STAB1: variants seen among roughly 807,000 people sequenced by gnomAD.
STAB1 encodes stabilin-1.
STAB1 carries 250 observed loss-of-function variants against 332.4 expected under a neutral mutation model. The ratio of observed to expected loss-of-function variants is 0.75; its 90% CI spans 0.68 to 0.84. The LOEUF is 0.84. Ranked by LOEUF, STAB1 falls within the 40% of genes least tolerant of loss-of-function variation. STAB1 has a pLI of 0.00. For missense variants in STAB1, 3,249 were observed against 3,489.7 expected (o/e 0.93, Z 1.74); for synonymous variants, 1,475 against 1,390.4 (o/e 1.06, Z -1.35).
Position 52,521,657 on chromosome 3 carries a change from C to G in STAB1, c.6120C>G (p.Phe2040Leu), listed in dbSNP as rs751204842. The G allele has an allele frequency of 1.2e-6, 2 of 1,613,068 alleles. No homozygotes were observed. The highest frequency in any genetic ancestry group is 2.2e-5 in the South Asian group (2 of 91,056). The stretch of plus-strand genomic sequence containing the variant: ...GCCTTGGGGGCTCTGGCTCCTGCTT[C>G]TGTGATGAAGGCTGGACTGGGCCAC... ...DEGLGGSGSC[F>L]CDEGWTGPRC... is the part of the protein sequence containing the mutation. Residue 2040 changes from phenylalanine (F) to leucine (L), a missense_variant, in exon 57 of 69, where the codon TTC becomes TTG. Coordinates refer to ENST00000321725, the MANE Select transcript of STAB1 (RefSeq NM_015136.3).
intron 62 of STAB1, 38 bp from the exon 63 acceptor site, chr3:52,522,987 C>T: frequency 6.3e-7 from 1 of 1,596,956 alleles, no homozygotes; most frequent in Non-Finnish European, 8.6e-7. Flanking sequence ...TGCCCCTTCC[C>T]ACCAATCTGC....
chr3:52,506,689 C>A lies in STAB1; in HGVS notation c.1831-3C>A. On this transcript the variant is annotated splice_polypyrimidine_tract_variant and splice_region_variant and intron_variant, in intron 17 of 68. Coordinates refer to ENST00000321725, the MANE Select transcript of STAB1 (RefSeq NM_015136.3). The stretch of plus-strand genomic sequence containing the variant: ...GGGTTGGCTCAGTGGGTCTCTGCCG[C>A]AGGGGCGCATCCTGCTGGGACCCGA... 6.2e-7 allele frequency: 1 copy of A among 1,607,124 alleles called. No individual in the cohort carries two copies. Among genetic ancestry groups the A allele is most frequent in the Admixed American group, 1.7e-5 (1 of 59,546 alleles).
chr3:52,519,849 TG>T (rs2079014068), intron 50 of STAB1, 94 bp from the exon 51 acceptor site: 1 of 1,422,502 alleles, frequency 7.0e-7, no homozygotes, highest in Non-Finnish European at 9.3e-7. Flanking sequence ...TGGGTGAGTG[TG>T]GAGCCCCTTC....
chr3:52,509,292 CA>C lies in STAB1; in HGVS notation c.2321del (p.Asn774ThrfsTer139). On this transcript the variant is annotated frameshift_variant, in exon 22 of 69. Coordinates refer to ENST00000321725, the MANE Select transcript of STAB1 (RefSeq NM_015136.3). LOFTEE classifies it high-confidence loss of function. ...KGIACHICSN[P>X]NKHGEQCQED... ...ATCGCCTGCCACATCTGCTCGAACC[CA>C]AACAAGCATGGAGAGCAATGCCAGG... 2 of 1,613,608 alleles carry C rather than the reference CA, an allele frequency of 1.2e-6. No homozygotes were observed. Among genetic ancestry groups the C allele is most frequent in the Non-Finnish European group, 8.5e-7 (1 of 1,179,976 alleles).
Position 52,514,713 on chromosome 3 carries a change from C to A in STAB1, c.3691C>A (p.His1231Asn), listed in dbSNP as rs1272470965. ...TCCCTCTCCCCAGCCTGAGGTGAACCATGTGCCACTGGAAGGCCCCATGCT... is the reference window on the plus strand; with the variant it reads ...TCCCTCTCCCCAGCCTGAGGTGAACAATGTGCCACTGGAAGGCCCCATGCT... ...YNHSGQPEVN[H>N]VPLEGPMLEA... The change falls in exon 35 of 69, where the codon CAT becomes AAT. Residue 1231 changes from histidine (H) to asparagine (N), a missense_variant. Coordinates refer to ENST00000321725, the MANE Select transcript of STAB1 (RefSeq NM_015136.3). 6.2e-6 allele frequency: 10 copies of A among 1,612,970 alleles called. No homozygotes were observed. The highest frequency in any genetic ancestry group is 8.5e-6 in the Non-Finnish European group (10 of 1,179,974).
At position 52,520,405 on chromosome 3, in the gene STAB1, G is replaced by A. The variant is rs374990211; in HGVS notation, c.5505G>A (p.Glu1835=). The part of the protein sequence containing the change: ...SFSCSRTRAG[E]LMVGEDDARI... ...CTCATATTCTCTCCTTGCAGGGTGA[G>A]CTCATGGTGGGTGAGGATGATGCTC... The change falls in exon 53 of 69, where the codon GAG becomes GAA. Residue 1835 remains glutamate (E), a synonymous_variant. Transcript: ENST00000321725. 9.1e-5 allele frequency: 147 copies of A among 1,611,762 alleles called. 1 individual carries two copies. Among genetic ancestry groups the A allele is most frequent in the Non-Finnish European group, 1.2e-4 (142 of 1,179,046 alleles).
At position 52,504,036 on chromosome 3, in the gene STAB1, G is replaced by A; in HGVS notation, c.1031G>A (p.Cys344Tyr). Reference sequence around the variant, plus strand: ...TCTCCCTGGGAGCCCAGCTGTGTGTGCAGGGAAAGCGAGGTGGGGGATGGG... The same window carrying A: ...TCTCCCTGGGAGCCCAGCTGTGTGTACAGGGAAAGCGAGGTGGGGGATGGG... Reference protein sequence around the residue: ...VTADGKTSCVCRESEVGDGRA... With the variant: ...VTADGKTSCVYRESEVGDGRA... Residue 344 changes from cysteine to tyrosine, a missense_variant, in exon 10 of 69, where the codon TGC becomes TAC. Physicochemically the swap from Cys to Tyr is radical, Grantham distance 194. Transcript: ENST00000321725. The A allele has an allele frequency of 6.2e-7, 1 of 1,600,548 alleles. No individual in the cohort carries two copies. The highest frequency in any genetic ancestry group is 8.5e-7 in the Non-Finnish European group (1 of 1,173,842).
Position 52,515,449 on chromosome 3 carries a change from C to G in STAB1, c.3891C>G (p.Tyr1297Ter). The G allele has an allele frequency of 6.2e-7, 1 of 1,613,464 alleles. No homozygotes were observed. Among genetic ancestry groups the G allele is most frequent in the Non-Finnish European group, 8.5e-7 (1 of 1,180,018 alleles). The change falls in exon 37 of 69, where the codon TAC (tyrosine) becomes TAG (stop). Residue 1297 changes from tyrosine (Y) to a stop codon, truncating the protein, a stop_gained. Transcript: ENST00000321725. LOFTEE classifies it high-confidence loss of function. ...ACACACCCAGGAAGAGCTGTGTCTA[C>G]CGATCTGGCTTCTCCTTCTCCCGGG... ...LQDTPRKSCV[Y>*]RSGFSFSRGC...
At position 52,504,743 on chromosome 3, in the gene STAB1, C is replaced by A. The variant is rs1428071956; in HGVS notation, c.1244C>A (p.Ser415Tyr). Residue 415 changes from serine to tyrosine, a missense_variant, in exon 12 of 69, where the codon TCC (serine) becomes TAC (tyrosine). Coordinates refer to ENST00000321725, the MANE Select transcript of STAB1 (RefSeq NM_015136.3). Reference sequence around the variant, plus strand: ...CTCCCCGCCTTGCGTCTGCAGGCATCCCTTGCCCAGCAGCTCTGTAGACAG... The same window carrying A: ...CTCCCCGCCTTGCGTCTGCAGGCATACCTTGCCCAGCAGCTCTGTAGACAG... ...SSFSSRTMNASLAQQLCRQHI... is the reference protein window; with the variant it reads ...SSFSSRTMNAYLAQQLCRQHI... The A allele has an allele frequency of 1.2e-6, 2 of 1,613,768 alleles. No individual in the cohort carries two copies. Among genetic ancestry groups the A allele is most frequent in the Non-Finnish European group, 1.7e-6 (2 of 1,180,026 alleles).
intron 51 of STAB1, 31 bp downstream of exon 51, chr3:52,520,151 TG>T (rs755700395): frequency 6.2e-7 from 1 of 1,612,700 alleles, no homozygotes; most frequent in African/African-American, 1.3e-5. Flanking sequence ...TGGTCTTCAC[TG>T]CCTGCAGCTC....
At chr3:52,523,195 C>G in intron 63 of STAB1, 27 bp from the exon 64 acceptor site, 1 of 1,612,732 alleles carries the variant, frequency 6.2e-7, no homozygotes, top group Non-Finnish European at 8.5e-7. Flanking sequence ...GGAGCCTGCT[C>G]ATAGTTCTGT....
At position 52,519,264 on chromosome 3, in the gene STAB1, G is replaced by A. The variant is rs747655926; in HGVS notation, c.5035G>A (p.Gly1679Ser). 4 of 1,611,872 alleles carry A rather than the reference G, an allele frequency of 2.5e-6. No individual in the cohort carries two copies. The highest frequency in any genetic ancestry group is 2.5e-6 in the Non-Finnish European group (3 of 1,179,346). Reference protein sequence around the residue: ...GHPLRFSEREGSIYLNDFARV... With the variant: ...GHPLRFSERESSIYLNDFARV... ...CATCAGCCCCGTGCCCCGCCCCCAGGGCAGCATATACCTCAATGACTTCGC... is the reference window on the plus strand; with the variant it reads ...CATCAGCCCCGTGCCCCGCCCCCAGAGCAGCATATACCTCAATGACTTCGC... The change falls in exon 49 of 69, where the codon GGC (glycine) becomes AGC (serine). Residue 1679 changes from glycine to serine, a missense_variant and splice_region_variant. Coordinates refer to ENST00000321725, the MANE Select transcript of STAB1 (RefSeq NM_015136.3).
rs1362287892 is a variant in STAB1 at position 52,518,695 on chromosome 3, C to T, written c.4888-28C>T. 5 of 1,612,006 alleles carry T rather than the reference C, an allele frequency of 3.1e-6. No homozygotes were observed. In the Admixed American group the frequency reaches 5.0e-5, roughly 16 times the overall value. On this transcript the variant is annotated intron_variant, in intron 47 of 68. Coordinates refer to ENST00000321725, the MANE Select transcript of STAB1 (RefSeq NM_015136.3). Reference sequence around the variant, plus strand: ...CGTGGGCTGAGGCGGCAGTCAGGGACCCCACTCCCCTCGCGACTCTGCTCC... The same window carrying T: ...CGTGGGCTGAGGCGGCAGTCAGGGATCCCACTCCCCTCGCGACTCTGCTCC...
chr3:52,506,721 C>T lies in STAB1; in HGVS notation c.1860C>T (p.Val620=). Residue 620 remains valine, a synonymous_variant, in exon 18 of 69, where the codon GTC becomes GTT. Transcript: ENST00000321725. ...EGRILLGPEG[V]PLQRVDVMAA... is the part of the protein sequence containing the mutation. The stretch of plus-strand genomic sequence containing the variant: ...GCATCCTGCTGGGACCCGAGGGGGT[C>T]CCGCTGCAGAGGGTAGACGTGATGG... 6.2e-7 allele frequency: 1 copy of T among 1,611,928 alleles called. No individual in the cohort carries two copies. Among genetic ancestry groups the T allele is most frequent in the Non-Finnish European group, 8.5e-7 (1 of 1,179,310 alleles).
Position 52,502,984 on chromosome 3 carries a change from C to T in STAB1, c.584-15C>T. On this transcript the variant is annotated splice_polypyrimidine_tract_variant and intron_variant, in intron 6 of 68. Transcript: ENST00000321725. ...CTGGGCTTGGGCTCATCAGTGCTCTCTCCACTCTGCGCAGAGCTGCCCGTC... is the reference window on the plus strand; with the variant it reads ...CTGGGCTTGGGCTCATCAGTGCTCTTTCCACTCTGCGCAGAGCTGCCCGTC... 6.5e-7 allele frequency: 1 copy of T among 1,540,720 alleles called. No individual in the cohort carries two copies. The highest frequency in any genetic ancestry group is 2.4e-5 in the East Asian group (1 of 42,328).
At position 52,503,797 on chromosome 3, in the gene STAB1, T is replaced by A; in HGVS notation, c.917T>A (p.Leu306Gln). The A allele has an allele frequency of 2.5e-6, 4 of 1,613,208 alleles. No individual in the cohort carries two copies. The highest frequency in any genetic ancestry group is 3.4e-6 in the Non-Finnish European group (4 of 1,180,026). Reference protein sequence around the residue: ...GQAFCTCRPGLVSINSNASAG... With the variant: ...GQAFCTCRPGQVSINSNASAG... ...GCCTTCTGCACCTGCCGGCCAGGCC[T>A]GGTCAGCATCAACAGCAACGCTTCT... is the stretch of plus-strand genomic sequence containing the variant. The change falls in exon 9 of 69, where the codon CTG becomes CAG. Residue 306 changes from leucine to glutamine, a missense_variant. Leu to Gln is a moderately radical substitution (Grantham distance 113). Coordinates refer to ENST00000321725, the MANE Select transcript of STAB1 (RefSeq NM_015136.3).
At chr3:52,498,574 C>T (rs142585187) in intron 1 of STAB1, among the ~76,000 whole-genome samples, 85 of 152,388 alleles carry the variant, frequency 5.6e-4, no homozygotes, top group African/African-American at 2.0e-3. Context: ...GCTCCCGCTT[C>T]CTTCTGGGCC....
Position 52,520,833 on chromosome 3 carries a change from C to T in STAB1, c.5736C>T (p.Tyr1912=), listed in dbSNP as rs1204302376. ...QGSPEACWRF[Y]PKFWTSPPLH... ...GCCCTGAGGCCTGCTGGCGCTTCTA[C>T]CCGAAGTTCTGGACGTCCCCTCCGC... Residue 1912 remains tyrosine (Y), a synonymous_variant, in exon 55 of 69, where the codon TAC becomes TAT. Transcript: ENST00000321725. 2 of 1,612,826 alleles carry T rather than the reference C, an allele frequency of 1.2e-6. No individual in the cohort carries two copies. Among genetic ancestry groups the T allele is most frequent in the Non-Finnish European group, 1.7e-6 (2 of 1,180,010 alleles).
intron 18 of STAB1, 69 bp downstream of exon 18, chr3:52,506,919 TC>T: frequency 6.4e-7 from 1 of 1,574,184 alleles, no homozygotes; most frequent in South Asian, 1.2e-5. Context: ...GCAATCCTCT[TC>T]CCAGGGAGAG....
Sources: allele counts gnomAD v4.1 joint callset (sites outside exome capture counted in the v4.1 genomes callset), GRCh38; gene constraint gnomAD v4.1.1; transcripts MANE v1.5; gene names NCBI Gene and HGNC (gene_info 2026-07-23, HGNC 2026-07-21).